Variants in FAF1 observed in about 807,000 individuals in gnomAD.
The protein encoded by FAF1 is FAS-associated factor 1.
A neutral mutation model predicts 92.5 loss-of-function variants in FAF1; 25 were observed. That is an observed-to-expected ratio of 0.27 (90% CI 0.20 to 0.38). The LOEUF (loss-of-function observed/expected upper bound fraction) is 0.38, where lower values mean the gene tolerates loss of function less well. Among genes scored for constraint, FAF1 ranks in the 10% least tolerant of loss-of-function variants. The pLI is 1.00. For missense variants in FAF1, 636 were observed against 793.3 expected (o/e 0.80, Z 2.38); for synonymous variants, 234 against 273.2 (o/e 0.86, Z 1.42).
At chr1:50,851,352 C>T (rs1644347629) in intron 2 of FAF1, among the ~76,000 whole-genome samples, 1 of 152,280 alleles carries the variant, frequency 6.6e-6, no homozygotes, top group Middle Eastern at 3.4e-3. Context: ...GGCCTATAGG[C>T]GTGAGCCACT....
At chr1:50,612,033 G>A (rs147223359) in intron 8 of FAF1, among the ~76,000 whole-genome samples, 5 of 152,286 alleles carry the variant, frequency 3.3e-5, no homozygotes, top group African/African-American at 7.2e-5. Context: ...AAAACAGTTC[G>A]ATGGTAATCT....
At chr1:50,909,415 T>C (rs1273015712) in intron 1 of FAF1, among the ~76,000 whole-genome samples, 2 of 152,344 alleles carry the variant, frequency 1.3e-5, no homozygotes, top group East Asian at 3.9e-4. Context: ...AATTTGAATG[T>C]TGGCCTGCCT....
At chr1:50,654,512 GA>G (rs1346198213) in intron 8 of FAF1, among the ~76,000 whole-genome samples, 1 of 152,068 alleles carries the variant, frequency 6.6e-6, no homozygotes, top group Non-Finnish European at 1.5e-5. Flanking sequence ...ACAGAGATAG[GA>G]AAGGCTTCAA....
intron 15 of FAF1, among the ~76,000 whole-genome samples, chr1:50,510,404 C>T (rs1476724598): frequency 6.6e-6 from 1 of 151,984 alleles, no homozygotes; most frequent in East Asian, 1.9e-4. Flanking sequence ...GGCAAATCAG[C>T]TGTCACTAAA....
At chr1:50,666,649 G>A (rs1311989078) in intron 7 of FAF1, among the ~76,000 whole-genome samples, 1 of 152,154 alleles carries the variant, frequency 6.6e-6, no homozygotes, top group Admixed American at 6.5e-5. Flanking sequence ...TTGGGAGGCT[G>A]AGGTGGGCGG....
chr1:50,587,036 C>T (rs1414173551), intron 9 of FAF1, among the ~76,000 whole-genome samples: 3 of 152,158 alleles, frequency 2.0e-5, no homozygotes, highest in Non-Finnish European at 4.4e-5. Flanking sequence ...CTCACCCCCT[C>T]CTTTGAGGCA....
At chr1:50,512,651 T>C (rs1477375335) in intron 15 of FAF1, among the ~76,000 whole-genome samples, 1 of 152,214 alleles carries the variant, frequency 6.6e-6, no homozygotes, top group Non-Finnish European at 1.5e-5. Flanking sequence ...GTAGTATAGT[T>C]TGAAGTTCAG....
rs1300177625 is a variant in FAF1 at position 50,918,359 on chromosome 1, C to T, written c.45+41408G>A. ...CCTCCCCCCTCCCCCGACCCCACCA[C>T]AGTCCCCAGAGTGTGATATTCCCCT... On this transcript the variant is annotated intron_variant, in intron 1 of 18. Coordinates refer to ENST00000396153, the MANE Select transcript of FAF1 (RefSeq NM_007051.3). Among the ~76,000 whole-genome samples the T allele has an allele frequency of 1.2e-3, 96 of 83,434 alleles. 1 individual carries two copies. Among genetic ancestry groups the T allele is most frequent in the Non-Finnish European group, 3.2e-4 (13 of 40,326 alleles). The allele number at this position is 83,434 out of a possible 152,430, so 54.7% of individuals were successfully genotyped here.
chr1:50,561,881 G>GAAA (rs1455712895), intron 13 of FAF1, among the ~76,000 whole-genome samples: 1 of 144,238 alleles, frequency 6.9e-6, no homozygotes, highest in African/African-American at 2.9e-5. Flanking sequence ...AAGGAAGGAA[G>GAAA]GAAGGAAGGA....
intron 7 of FAF1, among the ~76,000 whole-genome samples, chr1:50,694,050 TATGACATATATATGACATATAC>T (rs1415362340): frequency 7.0e-6 from 1 of 143,112 alleles, no homozygotes; most frequent in African/African-American, 3.0e-5. Context: ...ACATGACATG[TATGACATATATATGACATATAC>T]ATGACATATA....
At chr1:50,688,975 T>C (rs1656794695) in intron 7 of FAF1, among the ~76,000 whole-genome samples, 1 of 152,090 alleles carries the variant, frequency 6.6e-6, no homozygotes, top group South Asian at 2.1e-4. Context: ...GTGGTTACAT[T>C]AAGAATTTGA....
intron 2 of FAF1, among the ~76,000 whole-genome samples, chr1:50,849,614 T>G (rs541320851): frequency 6.6e-6 from 1 of 152,312 alleles, no homozygotes; most frequent in South Asian, 2.1e-4. Flanking sequence ...CTATATAGAC[T>G]ATAGTGTACT....
intron 4 of FAF1, among the ~76,000 whole-genome samples, chr1:50,781,337 TAAAAAG>T (rs1369436813): frequency 4.6e-5 from 7 of 150,804 alleles, no homozygotes; most frequent in Non-Finnish European, 1.5e-5. Context: ...GGAATGGTAA[TAAAAAG>T]AAAGTAGGGG....
chr1:50,949,980 T>C (rs72904790), intron 1 of FAF1, among the ~76,000 whole-genome samples: 18,363 of 152,026 alleles, frequency 0.12, 1,382 homozygotes, highest in African/African-American at 0.22. Context: ...GCACATGCTA[T>C]CACACCCAGC....
At chr1:50,944,116 T>C (rs1222792706) in intron 1 of FAF1, among the ~76,000 whole-genome samples, 3 of 152,176 alleles carry the variant, frequency 2.0e-5, no homozygotes, top group Non-Finnish European at 4.4e-5. Context: ...GTTGATGAGA[T>C]GGGAGTAAAG....
chr1:50,527,836 TCTCTCTCCCTCTCTCC>T (rs1179095436), intron 15 of FAF1, among the ~76,000 whole-genome samples: 2 of 87,438 alleles, frequency 2.3e-5, no homozygotes, highest in South Asian at 3.3e-4. Flanking sequence ...TCTCTCTCTC[TCTCTCTCCCTCTCTCC>T]CTCTCTCCCT....
chr1:50,539,623 T>A lies in FAF1; in HGVS notation c.1374A>T (p.Arg458=). The A allele has an allele frequency of 6.2e-7, 1 of 1,612,988 alleles. No homozygotes were observed. The highest frequency in any genetic ancestry group is 1.1e-5 in the South Asian group (1 of 90,960). Reference sequence around the variant, plus strand: ...TCACATTCAACACTTCATTAGATGATCGCTTTCCCATAATAATCAGGAAAA... The same window carrying A: ...TCACATTCAACACTTCATTAGATGAACGCTTTCCCATAATAATCAGGAAAA... The part of the protein sequence containing the change: ...FPLFLIIMGK[R]SSNEVLNVIQ... Residue 458 remains arginine, a synonymous_variant, in exon 14 of 19, where the codon CGA becomes CGT. Transcript: ENST00000396153.
intron 1 of FAF1, among the ~76,000 whole-genome samples, chr1:50,895,134 A>T (rs1243424430): frequency 6.6e-6 from 1 of 152,146 alleles, no homozygotes; most frequent in African/African-American, 2.4e-5. Flanking sequence ...CAAATCTTTA[A>T]CCAGACTAAA....
intron 6 of FAF1, among the ~76,000 whole-genome samples, chr1:50,724,274 T>TAC (rs1474050293): frequency 1.8e-5 from 2 of 113,308 alleles, no homozygotes; most frequent in South Asian, 2.7e-4. Context: ...TATATATACA[T>TAC]ATACACACAC....
Sources: allele counts gnomAD v4.1 joint callset (sites outside exome capture counted in the v4.1 genomes callset), GRCh38; gene constraint gnomAD v4.1.1; transcripts MANE v1.5; gene names NCBI Gene and HGNC (gene_info 2026-07-23, HGNC 2026-07-21).